NTNG1: variants seen among roughly 807,000 people sequenced by gnomAD.
NTNG1 encodes the protein netrin G1.
A neutral mutation model predicts 54.0 loss-of-function variants in NTNG1; 16 were observed. The observed-to-expected ratio is 0.30, with a 90% confidence interval of 0.20 to 0.45. The LOEUF is 0.45. NTNG1 is among the 20% of genes least tolerant of loss of function. The pLI, the probability that NTNG1 is intolerant of heterozygous loss-of-function variation, is 1.00. For missense variants in NTNG1, 530 were observed against 678.7 expected (o/e 0.78, Z 2.43); for synonymous variants, 255 against 263.1 (o/e 0.97, Z 0.30).
chr1:107,407,638 A>G, intron 4 of NTNG1, 44 bp from the exon 5 acceptor site: 1 of 1,507,682 alleles, frequency 6.6e-7, no homozygotes, highest in Non-Finnish European at 9.1e-7. Context: ...TTATGTACTA[A>G]TAAATAGCTA....
At chr1:107,177,728 T>G (rs1378801058) in intron 2 of NTNG1, among the ~76,000 whole-genome samples, 1 of 152,234 alleles carries the variant, frequency 6.6e-6, no homozygotes, top group African/African-American at 2.4e-5. Flanking sequence ...ATTTATCAAC[T>G]TTAGGCAACA....
intron 6 of NTNG1, among the ~76,000 whole-genome samples, chr1:107,436,184 C>T (rs1339033412): frequency 6.6e-6 from 1 of 152,108 alleles, no homozygotes; most frequent in Non-Finnish European, 1.5e-5. Context: ...AGATGCTGTC[C>T]CAAATCATAA....
intron 2 of NTNG1, among the ~76,000 whole-genome samples, chr1:107,281,753 T>C (rs896299069): frequency 6.6e-6 from 1 of 152,146 alleles, no homozygotes; most frequent in African/African-American, 2.4e-5. Flanking sequence ...TATCAATATT[T>C]GCTAACTGTC....
At chr1:107,200,318 T>G (rs1202346200) in intron 2 of NTNG1, among the ~76,000 whole-genome samples, 1 of 151,924 alleles carries the variant, frequency 6.6e-6, no homozygotes, top group East Asian at 1.9e-4. Context: ...TTTCTTGTTA[T>G]ATAACATTTC....
intron 7 of NTNG1, among the ~76,000 whole-genome samples, chr1:107,449,980 G>T (rs2101476527): frequency 6.6e-6 from 1 of 152,118 alleles, no homozygotes; most frequent in Admixed American, 6.6e-5. Context: ...TTCTAGACAG[G>T]TAGAAAGCAA....
chr1:107,440,539 A>G (rs1281566976), intron 7 of NTNG1, among the ~76,000 whole-genome samples: 1 of 152,212 alleles, frequency 6.6e-6, no homozygotes, highest in Non-Finnish European at 1.5e-5. Context: ...TGGACCTCGT[A>G]GTACATAGTA....
chr1:107,149,703 G>A (rs975569399), intron 2 of NTNG1, among the ~76,000 whole-genome samples: 16 of 151,936 alleles, frequency 1.1e-4, no homozygotes, highest in Non-Finnish European at 2.1e-4. Flanking sequence ...TTAGTAAAGA[G>A]GCTGGTGATT....
At chr1:107,243,174 G>C (rs1285998443) in intron 2 of NTNG1, among the ~76,000 whole-genome samples, 3 of 152,142 alleles carry the variant, frequency 2.0e-5, no homozygotes, top group African/African-American at 7.2e-5. Flanking sequence ...TAGCTTTGCA[G>C]CTATTCCTGT....
chr1:107,188,693 G>A (rs550811819), intron 2 of NTNG1, among the ~76,000 whole-genome samples: 35 of 152,078 alleles, frequency 2.3e-4, no homozygotes, highest in African/African-American at 7.9e-4. Flanking sequence ...TTATATTTGG[G>A]TCTCTTGGTA....
chr1:107,171,733 C>T (rs1656254189), intron 2 of NTNG1, among the ~76,000 whole-genome samples: 1 of 152,138 alleles, frequency 6.6e-6, no homozygotes, highest in Non-Finnish European at 1.5e-5. Flanking sequence ...GCCATCCACC[C>T]TCTGAAAACC....
chr1:107,223,966 T>A (rs1260735007), intron 2 of NTNG1, among the ~76,000 whole-genome samples: 2 of 152,168 alleles, frequency 1.3e-5, no homozygotes, highest in Non-Finnish European at 2.9e-5. Context: ...AAAAGTACTG[T>A]CCTTTACATG....
At chr1:107,323,232 C>G (rs1667753918) in intron 2 of NTNG1, among the ~76,000 whole-genome samples, 1 of 151,914 alleles carries the variant, frequency 6.6e-6, no homozygotes, top group South Asian at 2.1e-4. Context: ...GAATAAGAAA[C>G]ACCTGAATAG....
chr1:107,223,471 A>G (rs2101480524), intron 2 of NTNG1, among the ~76,000 whole-genome samples: 1 of 152,290 alleles, frequency 6.6e-6, no homozygotes, highest in Non-Finnish European at 1.5e-5. Flanking sequence ...GGTTAGGAAG[A>G]GGGCAATGGG....
chr1:107,385,315 T>TCTGGTCTCTGTCATAGTCCATGTGGTC (rs1671894141), intron 3 of NTNG1, among the ~76,000 whole-genome samples: 1 of 152,046 alleles, frequency 6.6e-6, no homozygotes, highest in Admixed American at 6.6e-5. Context: ...GCCACTACTC[T>TCTGGTCTCTGTCATAGTCCATGTGGTC]CTGGTCTCTG....
At chr1:107,270,454 C>T (rs565353723) in intron 2 of NTNG1, among the ~76,000 whole-genome samples, 31 of 152,142 alleles carry the variant, frequency 2.0e-4, no homozygotes, top group Non-Finnish European at 4.1e-4. Context: ...CTCTAAGACA[C>T]AGTTTTCTCA....
intron 3 of NTNG1, among the ~76,000 whole-genome samples, chr1:107,344,539 C>T (rs1279944439): frequency 6.6e-6 from 1 of 152,130 alleles, no homozygotes; most frequent in African/African-American, 2.4e-5. Context: ...GTGACACACA[C>T]ACCAGCAGGG....
At chr1:107,258,752 A>G (rs138505448) in intron 2 of NTNG1, among the ~76,000 whole-genome samples, 24 of 152,322 alleles carry the variant, frequency 1.6e-4, no homozygotes, top group African/African-American at 4.6e-4. Flanking sequence ...TGCCTTTGAC[A>G]AGGGAGAGAG....
At chr1:107,289,755 C>G (rs943452905) in intron 2 of NTNG1, among the ~76,000 whole-genome samples, 3 of 152,050 alleles carry the variant, frequency 2.0e-5, no homozygotes, top group African/African-American at 7.2e-5. Flanking sequence ...ATAGAGTAAG[C>G]CCTCATTAAA....
At chr1:107,341,726 A>T (rs1668907756) in intron 3 of NTNG1, among the ~76,000 whole-genome samples, 1 of 152,104 alleles carries the variant, frequency 6.6e-6, no homozygotes, top group Non-Finnish European at 1.5e-5. Context: ...AAAAAAGGAG[A>T]ATATGTTTCA....
Sources: allele counts gnomAD v4.1 joint callset (sites outside exome capture counted in the v4.1 genomes callset), GRCh38; gene constraint gnomAD v4.1.1; transcripts MANE v1.5; gene names NCBI Gene and HGNC (gene_info 2026-07-23, HGNC 2026-07-21).